The following YAP1 variants were observed in gnomAD, a reference collection of about 807,000 sequenced individuals.
YAP1 encodes Yes1 associated transcriptional regulator.
In YAP1, 5 loss-of-function variants were observed where a neutral mutation model predicts 56.9. The ratio of observed to expected loss-of-function variants is 0.09; its 90% CI spans 0.05 to 0.18. The LOEUF is 0.18. Ranked by LOEUF, YAP1 falls within the 10% of genes least tolerant of loss-of-function variation. The probability of loss-of-function intolerance (pLI) is 1.00; values close to 1 mark genes in which losing one functional copy is unlikely to be tolerated. For missense variants in YAP1, 539 were observed against 651.8 expected, an observed-to-expected ratio of 0.83 and a Z score of 1.88; for synonymous variants, 265 against 248.1, an observed-to-expected ratio of 1.07 and a Z score of -0.64.
chr11:102,129,216 AC>A (rs1944228521), intron 2 of YAP1, among the ~76,000 whole-genome samples: 1 of 151,894 alleles, frequency 6.6e-6, no homozygotes, highest in African/African-American at 2.4e-5. Flanking sequence ...TCCCTAATAG[AC>A]CATTGTTGAT....
intron 3 of YAP1, among the ~76,000 whole-genome samples, chr11:102,172,593 A>G (rs1055289442): frequency 1.3e-5 from 2 of 151,664 alleles, no homozygotes; most frequent in Admixed American, 1.3e-4. Flanking sequence ...ACACTCTGCC[A>G]AGACTTCTTT....
At chr11:102,140,686 T>C (rs1290691168) in intron 2 of YAP1, among the ~76,000 whole-genome samples, 1 of 152,020 alleles carries the variant, frequency 6.6e-6, no homozygotes, top group Admixed American at 6.6e-5. Flanking sequence ...CTACTAAAAA[T>C]ACAAAAATTA....
intron 4 of YAP1, among the ~76,000 whole-genome samples, chr11:102,199,308 T>C (rs1046340293): frequency 6.6e-6 from 1 of 152,224 alleles, no homozygotes; most frequent in African/African-American, 2.4e-5. Context: ...CTAAAGGCTG[T>C]GTTTTTTATG....
At chr11:102,221,715 C>T (rs113322773) in intron 6 of YAP1, among the ~76,000 whole-genome samples, 2,048 of 150,944 alleles carry the variant, frequency 0.014, 49 homozygotes, top group African/African-American at 0.048. Flanking sequence ...AGAGTGAGAC[C>T]CTGTCTCAAA....
intron 2 of YAP1, among the ~76,000 whole-genome samples, chr11:102,133,301 T>G (rs1343887215): frequency 6.6e-6 from 1 of 152,120 alleles, no homozygotes; most frequent in South Asian, 2.1e-4. Flanking sequence ...ACACAGAATT[T>G]TTGGGTTTTT....
At chr11:102,183,512 G>A (rs1947753816) in intron 3 of YAP1, among the ~76,000 whole-genome samples, 1 of 152,084 alleles carries the variant, frequency 6.6e-6, no homozygotes. Context: ...CTGAGGAAGT[G>A]GTCAAAAAAG....
intron 4 of YAP1, among the ~76,000 whole-genome samples, chr11:102,198,784 A>G (rs957721759): frequency 2.0e-5 from 3 of 152,198 alleles, no homozygotes; most frequent in African/African-American, 7.2e-5. Flanking sequence ...GGCACAGCAC[A>G]CTGTATAAAA....
At chr11:102,121,973 T>G (rs1943683303) in intron 2 of YAP1, among the ~76,000 whole-genome samples, 1 of 152,170 alleles carries the variant, frequency 6.6e-6, no homozygotes, top group East Asian at 1.9e-4. Flanking sequence ...AATTTTTAAA[T>G]TTTTTGTAGA....
chr11:102,171,826 C>T (rs1290218903), intron 3 of YAP1, among the ~76,000 whole-genome samples: 3 of 152,020 alleles, frequency 2.0e-5, no homozygotes, highest in African/African-American at 7.3e-5. Flanking sequence ...TATCAAATGC[C>T]CTGCTTTATA....
intron 3 of YAP1, among the ~76,000 whole-genome samples, chr11:102,184,072 G>A (rs1446407775): frequency 1.7e-5 from 2 of 119,268 alleles, no homozygotes; most frequent in African/African-American, 3.2e-5. Context: ...GCGAGACTCC[G>A]TCTCAAAAAA....
chr11:102,173,274 T>G (rs1038353033), intron 3 of YAP1, among the ~76,000 whole-genome samples: 15 of 152,188 alleles, frequency 9.9e-5, no homozygotes, highest in African/African-American at 3.6e-4. Flanking sequence ...GCAATGAGAC[T>G]GAAGACCACC....
intron 3 of YAP1, among the ~76,000 whole-genome samples, chr11:102,183,384 A>G (rs1480213122): frequency 1.3e-5 from 2 of 152,214 alleles, no homozygotes; most frequent in Non-Finnish European, 2.9e-5. Context: ...AGCAATAGGA[A>G]TGTTCTTTAG....
In YAP1 at chr11:102,110,697, C is replaced by G; in HGVS notation, c.-152C>G. On this transcript the variant is annotated 5_prime_UTR_variant, in exon 1 of 9. Transcript: ENST00000282441. ...GGCGCCGGGGCGGGGGATGCGGGGC[C>G]GCGGCGCAGCCCCCCGGCCCTGAGA... 1 of 594,216 alleles carries G rather than the reference C, an allele frequency of 1.7e-6. No homozygotes were observed. The highest frequency in any genetic ancestry group is 2.3e-6 in the Non-Finnish European group (1 of 433,854). The allele number at this position is 594,216 out of a possible 1,614,324, so 36.8% of individuals were successfully genotyped here.
rs78614233 is a variant in YAP1, at chr11:102,159,337, A to C, written c.573-3119A>C. Among the ~76,000 whole-genome samples the C allele has an allele frequency of 7.3e-3, 1,114 of 152,288 alleles. 13 individuals are homozygous for C. Among genetic ancestry groups the C allele is most frequent in the African/African-American group, 0.026 (1,062 of 41,560 alleles). On this transcript the variant is annotated intron_variant, in intron 2 of 8. Coordinates refer to ENST00000282441, the MANE Select transcript of YAP1 (RefSeq NM_001130145.3). ...CGTTCACATGTCCAGGCTTCTGGTT[A>C]ATTCTTTCCCTAAGCTGATAGCTCT...
chr11:102,216,407 T>C (rs1393435317), intron 6 of YAP1, among the ~76,000 whole-genome samples: 1 of 152,202 alleles, frequency 6.6e-6, no homozygotes, highest in African/African-American at 2.4e-5. Context: ...CAAAAATATA[T>C]TTTATATAAA....
intron 2 of YAP1, among the ~76,000 whole-genome samples, chr11:102,153,112 C>T (rs1019601098): frequency 1.1e-4 from 16 of 152,178 alleles, no homozygotes; most frequent in Admixed American, 9.2e-4. Context: ...TTGAAATTTT[C>T]CTTTTCTCTT....
intron 4 of YAP1, among the ~76,000 whole-genome samples, chr11:102,202,906 A>G (rs1021463077): frequency 6.6e-6 from 1 of 152,194 alleles, no homozygotes; most frequent in African/African-American, 2.4e-5. Context: ...TCAGGCCTCT[A>G]TATTCGAACT....
At chr11:102,195,188 C>G (rs992128935) in intron 4 of YAP1, among the ~76,000 whole-genome samples, 8 of 152,192 alleles carry the variant, frequency 5.3e-5, no homozygotes, top group Non-Finnish European at 1.0e-4. Context: ...AACACGTTCT[C>G]CCTTTTCTGC....
chr11:102,114,251 C>A lies in YAP1; in HGVS notation c.429C>A (p.Thr143=). The change falls in exon 2 of 9, where the codon ACC becomes ACA. Residue 143 remains threonine (T), a synonymous_variant. Transcript: ENST00000282441. ...GAGCTGTTTCTCCTGGGACACTGAC[C>A]CCCACTGGAGTAGTCTCTGGCCCAG... ...QLGAVSPGTL[T]PTGVVSGPAA... The A allele has an allele frequency of 1.9e-6, 3 of 1,614,122 alleles. No individual in the cohort carries two copies. Among genetic ancestry groups the A allele is most frequent in the African/African-American group, 2.7e-5 (2 of 75,042 alleles).
Sources: gnomAD v4.1 joint callset for allele counts (sites outside exome capture counted in the v4.1 genomes callset) on GRCh38, gnomAD v4.1.1 for gene constraint, MANE v1.5 for transcripts, NCBI Gene and HGNC (gene_info 2026-07-23, HGNC 2026-07-21) for gene names.